Variants in SRGAP3 observed in about 807,000 individuals in gnomAD.
The protein encoded by SRGAP3 is SLIT-ROBO Rho GTPase-activating protein 3.
A neutral mutation model predicts 121.1 loss-of-function variants in SRGAP3; 39 were observed. That is an observed-to-expected ratio of 0.32 (90% CI 0.25 to 0.42). The LOEUF is 0.42. SRGAP3 is among the 10% of genes least tolerant of loss of function. The pLI, the probability that SRGAP3 is intolerant of heterozygous loss-of-function variation, is 1.00. For synonymous variants in SRGAP3, 601 were observed against 570.0 expected, an observed-to-expected ratio of 1.05 and a Z score of -0.77; for missense variants, 1,213 against 1,470.6, an observed-to-expected ratio of 0.82 and a Z score of 2.86.
chr3:9,160,292 C>G (rs1342682613), intron 1 of SRGAP3, among the ~76,000 whole-genome samples: 1 of 152,188 alleles, frequency 6.6e-6, no homozygotes, highest in Non-Finnish European at 1.5e-5. Context: ...TATTTAGTGA[C>G]TTGCTTCCAA....
At chr3:9,352,277 T>C (rs1268853119) in intron 1 of SRGAP3, among the ~76,000 whole-genome samples, 3 of 149,920 alleles carry the variant, frequency 2.0e-5, no homozygotes, top group Admixed American at 2.0e-4. Flanking sequence ...GGACATTTTT[T>C]TTTTTTTTTT....
chr3:9,276,754 G>A (rs1243710422), intron 3 of SRGAP3, among the ~76,000 whole-genome samples: 1 of 152,180 alleles, frequency 6.6e-6, no homozygotes, highest in Non-Finnish European at 1.5e-5. Flanking sequence ...CTCCCTGATT[G>A]GGCTTCCAGC....
chr3:9,060,967 T>C (rs1030004518), intron 5 of SRGAP3, among the ~76,000 whole-genome samples: 1 of 152,038 alleles, frequency 6.6e-6, no homozygotes, highest in Admixed American at 6.5e-5. Flanking sequence ...GCCAGGAGCG[T>C]TGGCCTGTAA....
intron 3 of SRGAP3, among the ~76,000 whole-genome samples, chr3:9,299,431 C>A (rs1425524084): frequency 6.6e-6 from 1 of 151,948 alleles, no homozygotes; most frequent in Non-Finnish European, 1.5e-5. Context: ...CAACTAGCAT[C>A]CCCATCCACC....
intron 3 of SRGAP3, among the ~76,000 whole-genome samples, chr3:9,315,119 T>C (rs1447847071): frequency 6.6e-6 from 1 of 152,208 alleles, no homozygotes; most frequent in Non-Finnish European, 1.5e-5. Flanking sequence ...TCATCGGGAC[T>C]ATGTTTCCAC....
At chr3:9,021,480 G>T (rs760475061) in intron 14 of SRGAP3, among the ~76,000 whole-genome samples, 16 of 152,074 alleles carry the variant, frequency 1.1e-4, no homozygotes, top group Non-Finnish European at 1.8e-4. Flanking sequence ...AACTTGAGCA[G>T]TGAGTTTAAG....
intron 1 of SRGAP3, among the ~76,000 whole-genome samples, chr3:9,340,299 G>A (rs775977770): frequency 1.3e-5 from 2 of 152,090 alleles, no homozygotes; most frequent in Non-Finnish European, 2.9e-5. Flanking sequence ...TTCCCTCTGT[G>A]CTCTCTTCCC....
At chr3:9,348,360 A>G (rs1955944716) in intron 1 of SRGAP3, 1 of 466,594 alleles carries the variant, frequency 2.1e-6, no homozygotes, top group Non-Finnish European at 4.0e-6. Context: ...GAGAAAGACT[A>G]AAAGTAATCA....
At chr3:9,332,827 T>C (rs1955632045) in intron 1 of SRGAP3, among the ~76,000 whole-genome samples, 1 of 152,158 alleles carries the variant, frequency 6.6e-6, no homozygotes, top group Non-Finnish European at 1.5e-5. Flanking sequence ...TCAATAATAA[T>C]AGACTCGTGA....
In SRGAP3 at chr3:9,015,637, G is replaced by T; in HGVS notation, c.1773C>A (p.Leu591=). 5.0e-6 allele frequency: 8 copies of T among 1,614,148 alleles called. No individual in the cohort carries two copies. The highest frequency in any genetic ancestry group is 5.9e-6 in the Non-Finnish European group (7 of 1,180,020). Residue 591 remains leucine, a synonymous_variant, in exon 15 of 22, where the codon CTC becomes CTA. Coordinates refer to ENST00000383836, the MANE Select transcript of SRGAP3 (RefSeq NM_014850.4). Reference sequence around the variant, plus strand: ...AATCTTGAAACCTTTCCTTAGGAAAGAGTGGGTTTTCCAGTCCTCGGAAAT... The same window carrying T: ...AATCTTGAAACCTTTCCTTAGGAAATAGTGGGTTTTCCAGTCCTCGGAAAT... ...KLYFRGLENP[L]FPKERFQDLI...
At chr3:9,022,504 T>C (rs746425082) in intron 14 of SRGAP3, among the ~76,000 whole-genome samples, 6 of 152,048 alleles carry the variant, frequency 3.9e-5, no homozygotes, top group Non-Finnish European at 8.8e-5. Context: ...AACACAGAGA[T>C]AAGCAGGCTG....
chr3:9,153,703 C>T (rs1950289978), intron 1 of SRGAP3, among the ~76,000 whole-genome samples: 1 of 151,640 alleles, frequency 6.6e-6, no homozygotes, highest in Non-Finnish European at 1.5e-5. Flanking sequence ...AAGAGAGTGA[C>T]AAAAAGATCT....
chr3:9,196,281 G>A (rs1951913482), intron 1 of SRGAP3, among the ~76,000 whole-genome samples: 1 of 152,158 alleles, frequency 6.6e-6, no homozygotes, highest in Admixed American at 6.5e-5. Flanking sequence ...TGGAGGAGGG[G>A]GCGTTTCCAT....
chr3:9,151,941 G>T (rs897380486), intron 1 of SRGAP3, among the ~76,000 whole-genome samples: 2 of 152,230 alleles, frequency 1.3e-5, no homozygotes, highest in African/African-American at 4.8e-5. Flanking sequence ...ATAGAACCGG[G>T]TTCCTGGGCA....
At chr3:9,180,882 G>A (rs1230998252) in intron 1 of SRGAP3, among the ~76,000 whole-genome samples, 2 of 152,098 alleles carry the variant, frequency 1.3e-5, no homozygotes, top group Non-Finnish European at 2.9e-5. Context: ...CCATCCGCCG[G>A]CTTCACTCAG....
At chr3:9,260,369 C>T (rs188037770) in intron 3 of SRGAP3, among the ~76,000 whole-genome samples, 27 of 152,294 alleles carry the variant, frequency 1.8e-4, no homozygotes, top group African/African-American at 6.0e-4. Flanking sequence ...GACCCCACCC[C>T]CATGGAGTCC....
At chr3:9,274,406 G>T (rs1392363567) in intron 3 of SRGAP3, among the ~76,000 whole-genome samples, 1 of 152,200 alleles carries the variant, frequency 6.6e-6, no homozygotes. Flanking sequence ...TCATGGGAGG[G>T]GGAGCATGCA....
intron 3 of SRGAP3, among the ~76,000 whole-genome samples, chr3:9,298,119 T>TA (rs1330427701): frequency 6.6e-6 from 1 of 152,146 alleles, no homozygotes; most frequent in Non-Finnish European, 1.5e-5. Context: ...TACTTACAGT[T>TA]ATGGCAGCCT....
intron 1 of SRGAP3, among the ~76,000 whole-genome samples, chr3:9,359,408 T>C (rs1322579012): frequency 6.6e-6 from 1 of 152,222 alleles, no homozygotes; most frequent in Non-Finnish European, 1.5e-5. Context: ...TAAAATTCCC[T>C]GCACTCCCTC....
Sources: allele counts gnomAD v4.1 joint callset (sites outside exome capture counted in the v4.1 genomes callset), GRCh38; gene constraint gnomAD v4.1.1; transcripts MANE v1.5; gene names NCBI Gene and HGNC (gene_info 2026-07-23, HGNC 2026-07-21).